ESRRG: variants seen among roughly 807,000 people sequenced by gnomAD.
ESRRG encodes estrogen related receptor gamma, also known as estrogen-related receptor gamma.
ESRRG carries 13 observed loss-of-function variants against 44.0 expected under a neutral mutation model. The ratio of observed to expected loss-of-function variants is 0.30; its 90% confidence interval spans 0.19 to 0.47. The LOEUF is 0.47. ESRRG is among the 20% of genes least tolerant of loss of function. ESRRG has a pLI of 1.00. For missense variants in ESRRG, 395 were observed against 580.6 expected (o/e 0.68, Z 3.29); for synonymous variants, 215 against 214.6 (o/e 1.00, Z -0.02).
chr1:216,714,963 C>T (rs1053849972), intron 1 of ESRRG: 1 of 445,872 alleles, frequency 2.2e-6, no homozygotes, highest in Non-Finnish European at 3.0e-6. Flanking sequence ...ATTCCTGACC[C>T]TAGGAAAGAA....
rs78855353 is a variant in ESRRG at position 216,742,150 on chromosome 1, C to T, written c.-13-64659G>A. 6.8e-3 allele frequency among the ~76,000 whole-genome samples: 1,030 copies of T among 152,290 alleles called. 31 individuals are homozygous for T. The highest frequency in any genetic ancestry group is 0.054 in the Admixed American group (821 of 15,286). The stretch of plus-strand genomic sequence containing the variant: ...CCTGGGTATCACAGCCTTCACGTAA[C>T]CTGAACACACCAAATGCATTCTTAT... On this transcript the variant is annotated intron_variant, in intron 2 of 7. Transcript: ENST00000359162.
intron 1 of ESRRG, among the ~76,000 whole-genome samples, chr1:217,112,177 T>C (rs2092668809): frequency 6.6e-6 from 1 of 152,194 alleles, no homozygotes; most frequent in South Asian, 2.1e-4. Context: ...CCCAAATTTC[T>C]GATCCACAAA....
chr1:216,622,536 T>C (rs1043524329), intron 3 of ESRRG, among the ~76,000 whole-genome samples: 1 of 152,122 alleles, frequency 6.6e-6, no homozygotes, highest in Admixed American at 6.6e-5. Flanking sequence ...AAAAATTTTG[T>C]TTACTATGAT....
At chr1:216,633,746 C>T (rs1476826580) in intron 3 of ESRRG, among the ~76,000 whole-genome samples, 1 of 152,074 alleles carries the variant, frequency 6.6e-6, no homozygotes, top group African/African-American at 2.4e-5. Flanking sequence ...ACATTCCTGT[C>T]AATTATTTTA....
intron 1 of ESRRG, among the ~76,000 whole-genome samples, chr1:217,095,210 AAC>A (rs1417478395): frequency 6.6e-6 from 1 of 152,250 alleles, no homozygotes; most frequent in Non-Finnish European, 1.5e-5. Flanking sequence ...TGATGGCCAC[AAC>A]ACAGATAGTG....
intron 2 of ESRRG, among the ~76,000 whole-genome samples, chr1:216,860,383 G>A (rs2096029450): frequency 6.6e-6 from 1 of 152,066 alleles, no homozygotes; most frequent in Admixed American, 6.6e-5. Flanking sequence ...AGATTTATAA[G>A]CCTACAGATT....
At position 216,694,717 on chromosome 1, in the gene ESRRG, T is replaced by C. The variant is rs1254097165; in HGVS notation, c.57-17226A>G. On this transcript the variant is annotated intron_variant, in intron 1 of 6. Transcript: ENST00000408911. ...GATTACAGGTGCGTGCCACCACACCTGGCTAATTTTTCTTTTTTAAATAGA... is the reference window on the plus strand; with the variant it reads ...GATTACAGGTGCGTGCCACCACACCCGGCTAATTTTTCTTTTTTAAATAGA... 5.3e-5 allele frequency among the ~76,000 whole-genome samples: 8 copies of C among 152,016 alleles called. No individual in the cohort carries two copies. The East Asian group carries it at 1.6e-3, about 30-fold the overall frequency.
At chr1:216,952,371 G>A (rs1219723232) in intron 1 of ESRRG, among the ~76,000 whole-genome samples, 2 of 152,090 alleles carry the variant, frequency 1.3e-5, no homozygotes, top group South Asian at 2.1e-4. Context: ...GCGTGGAAAC[G>A]GGAAGCCACA....
chr1:217,120,219 T>C (rs928406517), intron 1 of ESRRG, among the ~76,000 whole-genome samples: 1 of 152,176 alleles, frequency 6.6e-6, no homozygotes, highest in African/African-American at 2.4e-5. Context: ...CATCCAGGAA[T>C]ACTGGAACCA....
At chr1:216,877,359 T>A (rs2096371314) in intron 2 of ESRRG, among the ~76,000 whole-genome samples, 1 of 136,456 alleles carries the variant, frequency 7.3e-6, no homozygotes, top group Non-Finnish European at 1.5e-5. Flanking sequence ...AAGTATGCAA[T>A]GCTTTTTTAT....
intron 1 of ESRRG, among the ~76,000 whole-genome samples, chr1:216,981,417 C>T (rs765668564): frequency 2.4e-4 from 37 of 152,018 alleles, no homozygotes; most frequent in Admixed American, 2.0e-4. Flanking sequence ...AGGCTACTTA[C>T]GGCCTGTAAA....
At chr1:216,539,778 T>C (rs889392067) in intron 5 of ESRRG, among the ~76,000 whole-genome samples, 2 of 152,018 alleles carry the variant, frequency 1.3e-5, no homozygotes, top group Non-Finnish European at 2.9e-5. Flanking sequence ...GTGAATTTAG[T>C]AGTTTTATAA....
At chr1:217,010,683 ACT>A (rs1291927869) in intron 1 of ESRRG, among the ~76,000 whole-genome samples, 2 of 152,162 alleles carry the variant, frequency 1.3e-5, no homozygotes, top group African/African-American at 4.8e-5. Flanking sequence ...TGGAGATGTA[ACT>A]CCACACCAAA....
At chr1:216,737,039 C>A (rs2090041394) in intron 2 of ESRRG, among the ~76,000 whole-genome samples, 1 of 152,184 alleles carries the variant, frequency 6.6e-6, no homozygotes, top group Admixed American at 6.5e-5. Flanking sequence ...TCTTAAAAAT[C>A]AAATCCTGCA....
chr1:217,122,013 T>A (rs2092826870), intron 1 of ESRRG, among the ~76,000 whole-genome samples: 1 of 152,134 alleles, frequency 6.6e-6, no homozygotes, highest in South Asian at 2.1e-4. Context: ...ACGAGTTAGG[T>A]TAACTATGCA....
chr1:216,769,624 T>C (rs1306838263), intron 2 of ESRRG, among the ~76,000 whole-genome samples: 2 of 152,112 alleles, frequency 1.3e-5, no homozygotes, highest in Admixed American at 1.3e-4. Flanking sequence ...GAAACAGTTA[T>C]AAGTTTACTT....
chr1:216,567,939 C>T, intron 4 of ESRRG, 49 bp downstream of exon 4: 1 of 1,242,210 alleles, frequency 8.1e-7, no homozygotes, highest in Non-Finnish European at 1.2e-6. Flanking sequence ...ATAGAGCCAA[C>T]TGGGAGGATT....
At chr1:216,517,778 CA>C (rs1010888996) in intron 6 of ESRRG, among the ~76,000 whole-genome samples, 18 of 152,038 alleles carry the variant, frequency 1.2e-4, no homozygotes, top group African/African-American at 4.3e-4. Flanking sequence ...TTCATAATAA[CA>C]ATGTCATTTG....
chr1:216,508,556 A>G lies in ESRRG; in HGVS notation c.1133-1373T>C, dbSNP rs11572827. On this transcript the variant is annotated intron_variant, in intron 6 of 6. Transcript: ENST00000408911. ...GGAGCGGGACTCAAGTCACTCCCCAACATACGCCTGGCCTTTCCCTGTGGA... is the reference window on the plus strand; with the variant it reads ...GGAGCGGGACTCAAGTCACTCCCCAGCATACGCCTGGCCTTTCCCTGTGGA... Among the ~76,000 whole-genome samples, 500 of 152,338 alleles carry G rather than the reference A, an allele frequency of 3.3e-3. 6 individuals carry two copies. The highest frequency in any genetic ancestry group is 0.011 in the African/African-American group (456 of 41,582).
Sources: allele counts gnomAD v4.1 joint callset (sites outside exome capture counted in the v4.1 genomes callset), GRCh38; gene constraint gnomAD v4.1.1; transcripts MANE v1.5; gene names NCBI Gene and HGNC (gene_info 2026-07-23, HGNC 2026-07-21).